The following KCNIP1 variants were observed in gnomAD, a reference collection of about 807,000 sequenced individuals.
The protein encoded by KCNIP1 is A-type potassium channel modulatory protein KCNIP1.
Under a neutral mutation model 33.0 loss-of-function variants are expected in KCNIP1, and 18 were observed. The ratio of observed to expected loss-of-function variants is 0.55; its 90% CI spans 0.38 to 0.81. The LOEUF is 0.81. Ranked by LOEUF, KCNIP1 falls within the 30% of genes least tolerant of loss-of-function variation. The pLI is 0.00. For missense variants in KCNIP1, 238 were observed against 271.6 expected (o/e 0.88, Z 0.87); for synonymous variants, 93 against 98.3 (o/e 0.95, Z 0.32).
chr5:170,693,730 A>G (rs1762801673), intron 1 of KCNIP1, among the ~76,000 whole-genome samples: 1 of 152,266 alleles, frequency 6.6e-6, no homozygotes, highest in Non-Finnish European at 1.5e-5. Context: ...GAAAGATCCC[A>G]TAAATTCCCC....
At chr5:170,372,274 A>C (rs1366355008) in intron 1 of KCNIP1, among the ~76,000 whole-genome samples, 2 of 152,212 alleles carry the variant, frequency 1.3e-5, no homozygotes, top group East Asian at 3.8e-4. Context: ...CACACAGGGC[A>C]AGGTATGAGG....
chr5:170,495,863 G>A (rs1028156508), intron 1 of KCNIP1, among the ~76,000 whole-genome samples: 17 of 152,190 alleles, frequency 1.1e-4, no homozygotes, highest in African/African-American at 4.1e-4. Flanking sequence ...CAGCACGAGG[G>A]CAGCTGAGAC....
chr5:170,522,084 A>G (rs2113309832), intron 1 of KCNIP1, among the ~76,000 whole-genome samples: 1 of 152,326 alleles, frequency 6.6e-6, no homozygotes, highest in Middle Eastern at 3.4e-3. Flanking sequence ...AGGGCTGGGC[A>G]CCAGATCAGC....
chr5:170,438,849 C>T (rs982982489), intron 1 of KCNIP1, among the ~76,000 whole-genome samples: 1 of 152,152 alleles, frequency 6.6e-6, no homozygotes, highest in African/African-American at 2.4e-5. Context: ...CACCCTGTAC[C>T]GAGCGGCACA....
chr5:170,556,912 G>A (rs1756865329), intron 1 of KCNIP1, among the ~76,000 whole-genome samples: 1 of 152,232 alleles, frequency 6.6e-6, no homozygotes, highest in Non-Finnish European at 1.5e-5. Flanking sequence ...GATGTGGCCT[G>A]TTAAAACTTT....
intron 1 of KCNIP1, among the ~76,000 whole-genome samples, chr5:170,456,732 C>CTTTCTTTCTTTCTTTTTT (rs1581209582): frequency 2.5e-5 from 1 of 40,798 alleles, no homozygotes; most frequent in South Asian, 7.4e-4. Flanking sequence ...TTTCTTGTTT[C>CTTTCTTTCTTTCTTTTTT]TTTTGAGACA....
chr5:170,692,102 T>A (rs375153776), intron 1 of KCNIP1, among the ~76,000 whole-genome samples: 1 of 152,010 alleles, frequency 6.6e-6, no homozygotes, highest in South Asian at 2.1e-4. Context: ...AAGAACCACC[T>A]AAGTAAAGAG....
intron 1 of KCNIP1, among the ~76,000 whole-genome samples, chr5:170,522,349 A>G (rs1755395575): frequency 6.6e-6 from 1 of 152,184 alleles, no homozygotes; most frequent in African/African-American, 2.4e-5. Context: ...CAGCATCCCG[A>G]TGAGTCTGGG....
chr5:170,380,484 C>T (rs1442540686), intron 1 of KCNIP1, among the ~76,000 whole-genome samples: 1 of 152,240 alleles, frequency 6.6e-6, no homozygotes, highest in East Asian at 1.9e-4. Flanking sequence ...TATGAGGTGC[C>T]ACCCTGGAAG....
chr5:170,697,440 T>C (rs1267651964), intron 1 of KCNIP1, among the ~76,000 whole-genome samples: 1 of 152,206 alleles, frequency 6.6e-6, no homozygotes, highest in African/African-American at 2.4e-5. Context: ...CATGAATGAC[T>C]CTTTAAGAGA....
intron 1 of KCNIP1, among the ~76,000 whole-genome samples, chr5:170,670,563 G>C (rs1008509994): frequency 6.6e-6 from 1 of 152,144 alleles, no homozygotes. Flanking sequence ...CCCGAGTAAG[G>C]CTGAGCTTCC....
chr5:170,683,874 C>A (rs1762445862), intron 1 of KCNIP1, among the ~76,000 whole-genome samples: 1 of 149,742 alleles, frequency 6.7e-6, no homozygotes, highest in Admixed American at 6.7e-5. Flanking sequence ...CAGGCATACA[C>A]CACTATGCCC....
intron 1 of KCNIP1, among the ~76,000 whole-genome samples, chr5:170,374,079 T>C (rs1280197570): frequency 2.0e-5 from 3 of 152,248 alleles, no homozygotes; most frequent in African/African-American, 7.2e-5. Flanking sequence ...TAACAGCCTG[T>C]GCTGCCAATG....
At chr5:170,667,707 G>A (rs1344841533) in intron 1 of KCNIP1, among the ~76,000 whole-genome samples, 1 of 152,208 alleles carries the variant, frequency 6.6e-6, no homozygotes, top group African/African-American at 2.4e-5. Context: ...ACCTCACTAG[G>A]CACAATGTAA....
chr5:170,693,997 A>G (rs1052588165), intron 1 of KCNIP1, among the ~76,000 whole-genome samples: 20 of 152,296 alleles, frequency 1.3e-4, no homozygotes, highest in Non-Finnish European at 1.0e-4. Context: ...CTTCAGGCAG[A>G]TCTAGCCTAG....
intron 1 of KCNIP1, among the ~76,000 whole-genome samples, chr5:170,555,254 C>G (rs558043083): frequency 4.6e-5 from 7 of 152,050 alleles, no homozygotes; most frequent in African/African-American, 9.7e-5. Context: ...GATTTCAGAG[C>G]GCTTGCTGCA....
chr5:170,480,522 G>A (rs991758486), intron 1 of KCNIP1, among the ~76,000 whole-genome samples: 1 of 150,796 alleles, frequency 6.6e-6, no homozygotes, highest in African/African-American at 2.4e-5. Flanking sequence ...TATCACCCAG[G>A]CTAGAGTGCA....
At chr5:170,486,067 T>G (rs1333193986) in intron 1 of KCNIP1, 3 of 152,378 alleles carry the variant, frequency 2.0e-5, no homozygotes, top group Non-Finnish European at 4.4e-5. Flanking sequence ...TTTGCTTCAT[T>G]TTTCTTTCAT....
intron 1 of KCNIP1, among the ~76,000 whole-genome samples, chr5:170,508,011 A>G (rs1255228535): frequency 1.3e-5 from 2 of 152,172 alleles, no homozygotes; most frequent in African/African-American, 4.8e-5. Flanking sequence ...TGGGTAAGTG[A>G]GACAGGCTAG....
Sources: gnomAD v4.1 joint callset for allele counts (sites outside exome capture counted in the v4.1 genomes callset) on GRCh38, gnomAD v4.1.1 for gene constraint, MANE v1.5 for transcripts, NCBI Gene and HGNC (gene_info 2026-07-23, HGNC 2026-07-21) for gene names.